Variants in WDR7 observed in about 807,000 individuals in gnomAD.
The protein encoded by WDR7 is WD repeat domain 7, also known as WD repeat-containing protein 7.
In WDR7, 46 loss-of-function variants were observed where a neutral mutation model predicts 169.4. The observed-to-expected ratio is 0.27, with a 90% CI of 0.21 to 0.35. The LOEUF is 0.35. Among genes scored for constraint, WDR7 ranks in the 10% least tolerant of loss-of-function variants. The pLI is 1.00. For synonymous variants in WDR7, 612 were observed against 666.8 expected, an observed-to-expected ratio of 0.92 and a Z score of 1.27; for missense variants, 1,534 against 1,859.3, an observed-to-expected ratio of 0.83 and a Z score of 3.22.
chr18:56,787,019 G>A (rs994585577), intron 19 of WDR7, among the ~76,000 whole-genome samples: 8 of 152,104 alleles, frequency 5.3e-5, no homozygotes, highest in African/African-American at 1.9e-4. Context: ...TTCAGATGAA[G>A]ATAAATATTA....
At chr18:56,961,651 A>G (rs564452685) in intron 25 of WDR7, among the ~76,000 whole-genome samples, 1 of 152,322 alleles carries the variant, frequency 6.6e-6, no homozygotes, top group East Asian at 1.9e-4. Context: ...AAGGAATTCA[A>G]ATACTTAACC....
chr18:56,946,103 G>C (rs2145722430), intron 25 of WDR7, among the ~76,000 whole-genome samples: 1 of 152,310 alleles, frequency 6.6e-6, no homozygotes, highest in East Asian at 1.9e-4. Flanking sequence ...AGAGCACTAA[G>C]AAGCTAGTTT....
At chr18:56,698,631 G>A (rs533847818) in intron 12 of WDR7, among the ~76,000 whole-genome samples, 2 of 151,506 alleles carry the variant, frequency 1.3e-5, no homozygotes, top group African/African-American at 4.8e-5. Context: ...AATTCAGATT[G>A]GTATTTAAAA....
chr18:56,775,939 C>T (rs185674976), intron 16 of WDR7, among the ~76,000 whole-genome samples: 1 of 152,298 alleles, frequency 6.6e-6, no homozygotes, highest in East Asian at 1.9e-4. Flanking sequence ...TTGTGCATGA[C>T]ATATGGTAAT....
At chr18:56,988,666 A>G (rs2047764039) in intron 26 of WDR7, among the ~76,000 whole-genome samples, 1 of 150,874 alleles carries the variant, frequency 6.6e-6, no homozygotes, top group Non-Finnish European at 1.5e-5. Flanking sequence ...GCAGCAGTTA[A>G]TAGACCCTAC....
At chr18:56,719,401 A>G (rs2026266036) in intron 13 of WDR7, among the ~76,000 whole-genome samples, 1 of 152,012 alleles carries the variant, frequency 6.6e-6, no homozygotes, top group Non-Finnish European at 1.5e-5. Context: ...TTTCTACTAA[A>G]AATACAAAAA....
At position 56,894,149 on chromosome 18, in the gene WDR7, C is replaced by T. The variant is rs896266235; in HGVS notation, c.3526+13984C>T. On this transcript the variant is annotated intron_variant, in intron 21 of 27. Transcript: ENST00000254442. ...AGTCAGCTATTTCTCACCACCTTTC[C>T]TGTTAGCATCAGGGTTGCCTACCTT... Among the ~76,000 whole-genome samples the T allele has an allele frequency of 2.0e-5, 3 of 151,988 alleles. No individual in the cohort carries two copies. The East Asian group carries it at 5.8e-4, about 29-fold the overall frequency.
chr18:56,826,667 T>C (rs534717258), intron 20 of WDR7, among the ~76,000 whole-genome samples: 38 of 152,234 alleles, frequency 2.5e-4, no homozygotes, highest in African/African-American at 8.9e-4. Context: ...ATATTGAGAG[T>C]ATTTTCTCAT....
intron 1 of WDR7, among the ~76,000 whole-genome samples, chr18:56,659,190 A>AGC (rs1005828068): frequency 1.9e-4 from 4 of 20,542 alleles, no homozygotes; most frequent in African/African-American, 2.1e-4. Context: ...CTGGGGAAAA[A>AGC]AACAATATGT....
intron 26 of WDR7, among the ~76,000 whole-genome samples, chr18:56,979,735 A>G (rs2047614905): frequency 2.0e-5 from 3 of 152,138 alleles, no homozygotes; most frequent in South Asian, 4.1e-4. Flanking sequence ...GCTACACACT[A>G]TTGAAGTAAT....
rs553648824 is a variant in WDR7 at position 56,880,530 on chromosome 18, G to A, written c.3526+365G>A. On this transcript the variant is annotated intron_variant, in intron 21 of 27. Coordinates refer to ENST00000254442, the MANE Select transcript of WDR7 (RefSeq NM_015285.3). ...GAATGTGGTTTGAAAAGTCAGGACT[G>A]GGGTGGAACACCAGTCTTTTCTTTT... Among the ~76,000 whole-genome samples, 6 of 152,284 alleles carry A rather than the reference G, an allele frequency of 3.9e-5. No individual in the cohort carries two copies. In the South Asian group the frequency reaches 1.2e-3, roughly 32 times the overall value.
chr18:56,968,493 A>T (rs1263755908), intron 26 of WDR7, among the ~76,000 whole-genome samples: 1 of 152,058 alleles, frequency 6.6e-6, no homozygotes, highest in East Asian at 1.9e-4. Context: ...AGCATAGAAA[A>T]ACCTTTCTTA....
At chr18:56,656,583 ATT>A (rs10648827) in intron 1 of WDR7, among the ~76,000 whole-genome samples, 1 of 146,132 alleles carries the variant, frequency 6.8e-6, no homozygotes, top group Non-Finnish European at 1.5e-5. Flanking sequence ...CCCGGCCACT[ATT>A]TTTTTTTTTT....
chr18:56,701,548 G>A (rs937342423), intron 12 of WDR7, among the ~76,000 whole-genome samples: 1 of 152,044 alleles, frequency 6.6e-6, no homozygotes. Context: ...AGATGTGACA[G>A]TTCTTATGAA....
chr18:56,818,833 G>C (rs1384453314), intron 20 of WDR7, among the ~76,000 whole-genome samples: 1 of 152,106 alleles, frequency 6.6e-6, no homozygotes, highest in African/African-American at 2.4e-5. Flanking sequence ...GCTGGCTAGT[G>C]CAGCCATTCA....
At chr18:56,913,709 C>T (rs1318081896) in intron 21 of WDR7, among the ~76,000 whole-genome samples, 1 of 151,828 alleles carries the variant, frequency 6.6e-6, no homozygotes, top group Non-Finnish European at 1.5e-5. Context: ...GTGGGAGGAT[C>T]GCGTGAGCCC....
Position 56,756,960 on chromosome 18 carries a change from C to T in WDR7, c.2367C>T (p.Thr789=), listed in dbSNP as rs141391195. 84 of 1,613,996 alleles carry T rather than the reference C, an allele frequency of 5.2e-5. No individual in the cohort carries two copies. The African/African-American group carries it at 9.6e-4, about 18-fold the overall frequency. Residue 789 remains threonine (T), a synonymous_variant, in exon 15 of 28, where the codon ACC becomes ACT. Coordinates refer to ENST00000254442, the MANE Select transcript of WDR7 (RefSeq NM_015285.3). ...EYRSSKSKPL[T]LLEYNLTMDT... The stretch of plus-strand genomic sequence containing the variant: ...GGTCCAGCAAATCAAAGCCATTGAC[C>T]CTATTAGAATATAATTTAACTATGG...
At chr18:56,707,892 A>C (rs1403918917) in intron 12 of WDR7, among the ~76,000 whole-genome samples, 6 of 152,198 alleles carry the variant, frequency 3.9e-5, no homozygotes, top group Non-Finnish European at 8.8e-5. Flanking sequence ...TACTGCCAGG[A>C]AAGAGATATA....
chr18:56,987,759 T>C (rs1385683554), intron 26 of WDR7, among the ~76,000 whole-genome samples: 11 of 152,214 alleles, frequency 7.2e-5, no homozygotes, highest in Non-Finnish European at 2.9e-5. Context: ...TGGTTTCAGG[T>C]TACTTTGTTA....
Sources: gnomAD v4.1 joint callset for allele counts (sites outside exome capture counted in the v4.1 genomes callset) on GRCh38, gnomAD v4.1.1 for gene constraint, MANE v1.5 for transcripts, NCBI Gene and HGNC (gene_info 2026-07-23, HGNC 2026-07-21) for gene names.